Variants in TEAD1 observed in about 807,000 individuals in gnomAD.
TEAD1 encodes the protein TEA domain transcription factor 1, also known as transcriptional enhancer factor TEF-1.
A neutral mutation model predicts 54.9 loss-of-function variants in TEAD1; 9 were observed. The observed-to-expected ratio is 0.16, with a 90% CI of 0.10 to 0.29. The LOEUF is 0.29. TEAD1 is among the 10% of genes least tolerant of loss of function. TEAD1 has a pLI of 1.00. For synonymous variants in TEAD1, 200 were observed against 187.8 expected, an observed-to-expected ratio of 1.07 and a Z score of -0.53; for missense variants, 387 against 535.9, an observed-to-expected ratio of 0.72 and a Z score of 2.74.
At chr11:12,890,972 C>G (rs1948186375) in intron 9 of TEAD1, among the ~76,000 whole-genome samples, 1 of 152,036 alleles carries the variant, frequency 6.6e-6, no homozygotes, top group Admixed American at 6.5e-5. Flanking sequence ...GTCATGTTGG[C>G]CAGGCTGGTC....
intron 3 of TEAD1, among the ~76,000 whole-genome samples, chr11:12,803,367 G>T (rs1946103286): frequency 6.6e-6 from 1 of 152,206 alleles, no homozygotes; most frequent in African/African-American, 2.4e-5. Context: ...AGTCAGAGCA[G>T]CTTTGTTTTT....
At chr11:12,809,181 C>T (rs143626123) in intron 3 of TEAD1, among the ~76,000 whole-genome samples, 118 of 152,282 alleles carry the variant, frequency 7.7e-4, no homozygotes, top group African/African-American at 2.7e-3. Context: ...GACACCAGAG[C>T]GGCAGGCTTT....
intron 2 of TEAD1, among the ~76,000 whole-genome samples, chr11:12,715,950 C>T (rs936675721): frequency 3.9e-5 from 6 of 152,028 alleles, no homozygotes; most frequent in Admixed American, 2.6e-4. Context: ...CAAGAACAAT[C>T]GTAATTCATT....
At chr11:12,844,517 A>C (rs1947100585) in intron 3 of TEAD1, among the ~76,000 whole-genome samples, 1 of 152,208 alleles carries the variant, frequency 6.6e-6, no homozygotes, top group Admixed American at 6.5e-5. Flanking sequence ...CACCAGCATC[A>C]AATCATTGGG....
At chr11:12,680,259 A>C (rs774399241) in intron 2 of TEAD1, among the ~76,000 whole-genome samples, 51 of 152,332 alleles carry the variant, frequency 3.3e-4, no homozygotes, top group South Asian at 6.2e-4. Context: ...AAAGAAAAAA[A>C]CTAAATGAAG....
At chr11:12,826,365 CA>C (rs1453870165) in intron 3 of TEAD1, among the ~76,000 whole-genome samples, 2 of 152,176 alleles carry the variant, frequency 1.3e-5, no homozygotes, top group East Asian at 3.8e-4. Context: ...TGGAGAAGTA[CA>C]TAAAGTTGTG....
intron 12 of TEAD1, among the ~76,000 whole-genome samples, chr11:12,932,577 C>T (rs1949029332): frequency 1.3e-5 from 2 of 152,152 alleles, no homozygotes; most frequent in Non-Finnish European, 2.9e-5. Flanking sequence ...AACCTGACTA[C>T]AGTTGTGCAC....
At chr11:12,875,292 T>C (rs1947832700) in intron 5 of TEAD1, among the ~76,000 whole-genome samples, 1 of 152,234 alleles carries the variant, frequency 6.6e-6, no homozygotes, top group African/African-American at 2.4e-5. Flanking sequence ...GTCTGGGATA[T>C]TAAACCAGAG....
intron 3 of TEAD1, among the ~76,000 whole-genome samples, chr11:12,812,454 T>C (rs1292857309): frequency 1.3e-5 from 2 of 152,178 alleles, no homozygotes; most frequent in African/African-American, 2.4e-5. Context: ...TTTGTCCTTA[T>C]CCTGCAAGAG....
In TEAD1 at chr11:12,829,956, C is replaced by A. The variant is rs551745257; in HGVS notation, c.203-32294C>A. Among the ~76,000 whole-genome samples the A allele has an allele frequency of 2.0e-5, 3 of 152,182 alleles. No individual in the cohort carries two copies. In the South Asian group the frequency reaches 6.2e-4, roughly 32 times the overall value. On this transcript the variant is annotated intron_variant, in intron 3 of 12. Coordinates refer to ENST00000527636, the MANE Select transcript of TEAD1 (RefSeq NM_021961.6). The stretch of plus-strand genomic sequence containing the variant: ...AGCTGTCCATAGAGCAGGGCAGGGA[C>A]ATTTCTGAGAAGGTCAGAGAGGTTT...
intron 2 of TEAD1, among the ~76,000 whole-genome samples, chr11:12,704,480 C>T (rs77850383): frequency 0.035 from 5,296 of 152,330 alleles, 332 homozygotes; most frequent in African/African-American, 0.12. Context: ...CCACTCCTGA[C>T]GTTCCCCAAC....
At chr11:12,729,038 A>G (rs1328405386) in intron 2 of TEAD1, among the ~76,000 whole-genome samples, 1 of 152,206 alleles carries the variant, frequency 6.6e-6, no homozygotes, top group Non-Finnish European at 1.5e-5. Flanking sequence ...GAGGGCAGGC[A>G]GCTGTAATGA....
chr11:12,910,747 CTTT>C (rs5789752), intron 10 of TEAD1, among the ~76,000 whole-genome samples: 3 of 119,920 alleles, frequency 2.5e-5, no homozygotes, highest in Admixed American at 9.0e-5. Flanking sequence ...ACTTAATTTG[CTTT>C]TTTTTTTTTT....
intron 2 of TEAD1, among the ~76,000 whole-genome samples, chr11:12,706,974 T>G (rs1943829663): frequency 1.3e-5 from 2 of 152,146 alleles, no homozygotes; most frequent in Non-Finnish European, 2.9e-5. Context: ...CTAGCACTCT[T>G]TTCACCATGC....
intron 2 of TEAD1, among the ~76,000 whole-genome samples, chr11:12,693,531 C>A (rs1176980848): frequency 1.3e-5 from 2 of 152,160 alleles, no homozygotes; most frequent in Non-Finnish European, 2.9e-5. Context: ...TAAAAATAAA[C>A]CTTATCCCAC....
chr11:12,807,354 T>G (rs1192020857), intron 3 of TEAD1, among the ~76,000 whole-genome samples: 3 of 152,184 alleles, frequency 2.0e-5, no homozygotes, highest in African/African-American at 7.2e-5. Context: ...TGTCTTTGTG[T>G]TGTAACACAG....
intron 11 of TEAD1, among the ~76,000 whole-genome samples, chr11:12,929,966 T>TA (rs1420682235): frequency 2.0e-5 from 3 of 152,182 alleles, no homozygotes; most frequent in Non-Finnish European, 4.4e-5. Context: ...ACTAATTTTT[T>TA]AAAAAACTTC....
intron 10 of TEAD1, among the ~76,000 whole-genome samples, chr11:12,912,512 C>T (rs1015174436): frequency 2.6e-5 from 4 of 152,004 alleles, no homozygotes; most frequent in South Asian, 2.1e-4. Context: ...TGGGAGGTGG[C>T]GAGAGGTCCC....
chr11:12,807,164 A>G (rs1055849133), intron 3 of TEAD1, among the ~76,000 whole-genome samples: 1 of 152,226 alleles, frequency 6.6e-6, no homozygotes, highest in African/African-American at 2.4e-5. Flanking sequence ...TTTGGAAGCA[A>G]TAATGTTTGT....
Sources: allele counts gnomAD v4.1 joint callset (sites outside exome capture counted in the v4.1 genomes callset), GRCh38; gene constraint gnomAD v4.1.1; transcripts MANE v1.5; gene names NCBI Gene and HGNC (gene_info 2026-07-23, HGNC 2026-07-21).